Variants in TRMT9B observed in about 807,000 individuals in gnomAD.
The protein encoded by TRMT9B is probable tRNA methyltransferase 9B.
In TRMT9B, 16 loss-of-function variants were observed where a neutral mutation model predicts 11.5. The observed-to-expected ratio is 1.39, with a 90% CI of 0.94 to 2.11. The LOEUF (loss-of-function observed/expected upper bound fraction) is 2.11. Ranked by LOEUF, TRMT9B falls within the 30% of genes most tolerant of loss-of-function variation. TRMT9B has a pLI of 0.00. For synonymous variants in TRMT9B, 274 were observed against 192.4 expected, an observed-to-expected ratio of 1.42 and a Z score of -3.51; for missense variants, 941 against 553.8, an observed-to-expected ratio of 1.70 and a Z score of -7.02.
At chr8:13,008,204 A>G (rs1255769997) in intron 3 of TRMT9B, among the ~76,000 whole-genome samples, 1 of 152,236 alleles carries the variant, frequency 6.6e-6, no homozygotes, top group African/African-American at 2.4e-5. Flanking sequence ...CCAGCACACT[A>G]TAACTCTTTC....
At chr8:13,015,559 G>T (rs887746896) in intron 4 of TRMT9B, among the ~76,000 whole-genome samples, 1 of 121,720 alleles carries the variant, frequency 8.2e-6, no homozygotes, top group Non-Finnish European at 1.7e-5. Flanking sequence ...TTGCCATATT[G>T]TCCAGGCTGG....
intron 4 of TRMT9B, among the ~76,000 whole-genome samples, chr8:13,019,248 G>C (rs540706931): frequency 1.4e-4 from 21 of 152,274 alleles, no homozygotes; most frequent in African/African-American, 5.1e-4. Context: ...TGCAAGTTAT[G>C]GGAGATACAT....
intron 1 of TRMT9B, among the ~76,000 whole-genome samples, chr8:12,953,996 TGG>T (rs1271574254): frequency 1.3e-5 from 2 of 152,244 alleles, no homozygotes; most frequent in African/African-American, 4.8e-5. Context: ...TGATGTTCTT[TGG>T]AAATGTGCCT....
rs571083577 is a variant in TRMT9B, at chr8:13,011,827, T to C, written c.155-857T>C. On this transcript the variant is annotated intron_variant, in intron 3 of 4. Coordinates refer to ENST00000524591, the MANE Select transcript of TRMT9B (RefSeq NM_020844.3). ...TTTTAAATGTAGCAATGAATAGAGA[T>C]TGGATAAAAACAATGTTAAAAATTC... is the stretch of plus-strand genomic sequence containing the variant. 7.0e-5 allele frequency: 68 copies of C among 964,656 alleles called. No homozygotes were observed. In the African/African-American group the frequency reaches 1.1e-3, roughly 16 times the overall value. 59.8% of individuals were successfully genotyped at this position (964,656 alleles called of 1,614,324 possible). A position where few individuals can be genotyped will look rare whatever the true frequency, so the allele number is the denominator to read the frequency against.
chr8:12,980,810 C>G (rs1481946855), intron 1 of TRMT9B, among the ~76,000 whole-genome samples: 3 of 152,194 alleles, frequency 2.0e-5, no homozygotes, highest in Non-Finnish European at 4.4e-5. Flanking sequence ...AAGCAAAAAG[C>G]ATGAAGGTAT....
At chr8:13,010,224 C>A (rs1016085481) in intron 3 of TRMT9B, 45 of 864,928 alleles carry the variant, frequency 5.2e-5, no homozygotes, top group Non-Finnish European at 6.1e-5. Flanking sequence ...TATCTTTTTG[C>A]CAATTTGTAT....
At chr8:12,997,295 T>TG (rs34073090) in intron 2 of TRMT9B, among the ~76,000 whole-genome samples, 3 of 151,496 alleles carry the variant, frequency 2.0e-5, no homozygotes, top group Admixed American at 6.6e-5. Flanking sequence ...ACATGAGAGC[T>TG]GGTTGTTTAA....
rs1814778980 is a variant in TRMT9B at position 13,027,112 on chromosome 8, G to GAT, written c.*5071_*5072dup. 6.0e-6 allele frequency: 1 copy of GAT among 167,016 alleles called. No homozygotes were observed. Among genetic ancestry groups the GAT allele is most frequent in the Non-Finnish European group, 1.5e-5 (1 of 68,114 alleles). 10.3% of individuals were successfully genotyped at this position (167,016 alleles called of 1,614,324 possible). ...AAGTAAGGCAACTGAGGACTATTCA[G>GAT]ATATTTCATTCACTCCATTTGTTTA... is the stretch of plus-strand genomic sequence containing the variant. On this transcript the variant is annotated 3_prime_UTR_variant, in exon 5 of 5. Transcript: ENST00000524591.
chr8:12,958,700 C>G (rs959584616), intron 1 of TRMT9B: 1 of 152,202 alleles, frequency 6.6e-6, no homozygotes, highest in African/African-American at 2.4e-5. Flanking sequence ...GCACAAAGAA[C>G]CAGCATGAGA....
intron 1 of TRMT9B, among the ~76,000 whole-genome samples, chr8:12,990,381 A>T (rs1339442672): frequency 6.6e-6 from 1 of 152,190 alleles, no homozygotes; most frequent in Non-Finnish European, 1.5e-5. Context: ...TCTTATGAAG[A>T]AGAAAAATGT....
chr8:12,952,290 A>C, intron 1 of TRMT9B: 1 of 382,434 alleles, frequency 2.6e-6, no homozygotes, highest in South Asian at 1.7e-5. Context: ...GCCCGCCCGC[A>C]GGGAGGAGGG....
chr8:13,004,453 G>C (rs558391425), intron 2 of TRMT9B, among the ~76,000 whole-genome samples: 1 of 151,858 alleles, frequency 6.6e-6, no homozygotes, highest in East Asian at 2.0e-4. Flanking sequence ...AGAGGATTTT[G>C]TCTTGTATTT....
chr8:12,950,194 A>G (rs909468738), intron 1 of TRMT9B, among the ~76,000 whole-genome samples: 2 of 152,056 alleles, frequency 1.3e-5, no homozygotes, highest in Non-Finnish European at 2.9e-5. Context: ...ATTGGACACC[A>G]CTTCCAGGAT....
chr8:12,946,103 C>G lies in TRMT9B; in HGVS notation c.-200+137C>G, dbSNP rs145076169. 7.6e-4 allele frequency: 116 copies of G among 152,276 alleles called. 2 individuals carry two copies. Among genetic ancestry groups the G allele is most frequent in the African/African-American group, 2.6e-3 (107 of 41,546 alleles). The allele number at this position is 152,276 out of a possible 1,614,324, so 9.4% of individuals were successfully genotyped here. The stretch of plus-strand genomic sequence containing the variant: ...GTTTTGCTCCCCATTGCTTTTCTCA[C>G]AGACTGCTCAGCAATGAATCTTTGT... On this transcript the variant is annotated intron_variant, in intron 1 of 4. Transcript: ENST00000524591.
Position 13,010,785 on chromosome 8 carries a change from AG to A in TRMT9B, c.155-1897del, listed in dbSNP as rs1310256218. 3.1e-6 allele frequency: 3 copies of A among 982,928 alleles called. No individual in the cohort carries two copies. In the Admixed American group the frequency reaches 1.8e-4, roughly 61 times the overall value. The allele number at this position is 982,928 out of a possible 1,614,324, so 60.9% of individuals were successfully genotyped here. On this transcript the variant is annotated intron_variant, in intron 3 of 4. Transcript: ENST00000524591. ...ATTGCAAGGTTATTTTTCTTAAAAT[AG>A]GACCATCGTCTTTTGAAATACACAG...
At chr8:12,977,521 T>C (rs1388383711) in intron 1 of TRMT9B, among the ~76,000 whole-genome samples, 1 of 151,896 alleles carries the variant, frequency 6.6e-6, no homozygotes, top group African/African-American at 2.4e-5. Flanking sequence ...GCCAACATGA[T>C]GAAACCCCAT....
At chr8:13,020,304 A>G (rs1210580058) in intron 4 of TRMT9B, among the ~76,000 whole-genome samples, 1 of 152,256 alleles carries the variant, frequency 6.6e-6, no homozygotes, top group African/African-American at 2.4e-5. Flanking sequence ...CTAACAGACT[A>G]GCACTTTTAT....
chr8:12,951,361 C>T (rs1183721574), intron 1 of TRMT9B: 1 of 152,306 alleles, frequency 6.6e-6, no homozygotes, highest in Admixed American at 6.5e-5. Flanking sequence ...GCGCTAAAGC[C>T]AAGCGTCGTC....
In TRMT9B at chr8:12,968,220, G is replaced by A. The variant is rs376079659; in HGVS notation, c.-200+22254G>A. Among the ~76,000 whole-genome samples, 34 of 152,264 alleles carry A rather than the reference G, an allele frequency of 2.2e-4. No homozygotes were observed. In the East Asian group the frequency reaches 5.4e-3, roughly 24 times the overall value. ...TTAAATGAAATACTGTTCAAGTCAC[G>A]GAAGACATACATCCCAAGGGACTAT... is the stretch of plus-strand genomic sequence containing the variant. On this transcript the variant is annotated intron_variant, in intron 1 of 4. Transcript: ENST00000524591.
Sources: gnomAD v4.1 joint callset for allele counts (sites outside exome capture counted in the v4.1 genomes callset) on GRCh38, gnomAD v4.1.1 for gene constraint, MANE v1.5 for transcripts, NCBI Gene and HGNC (gene_info 2026-07-23, HGNC 2026-07-21) for gene names.